Variants in CMIP observed in about 807,000 individuals in gnomAD.
The protein encoded by CMIP is c-Maf inducing protein, also known as C-Maf-inducing protein.
CMIP carries 13 observed loss-of-function variants against 97.3 expected under a neutral mutation model. The ratio of observed to expected loss-of-function variants is 0.13; its 90% CI spans 0.09 to 0.21. The LOEUF is 0.21. Among genes scored for constraint, CMIP ranks in the 10% least tolerant of loss-of-function variants. The probability of loss-of-function intolerance (pLI) is 1.00; values close to 1 mark genes in which losing one functional copy is unlikely to be tolerated. For synonymous variants in CMIP, 538 were observed against 436.3 expected (o/e 1.23, Z -2.91); for missense variants, 847 against 1,024.9 (o/e 0.83, Z 2.37).
chr16:81,515,684 G>A (rs927783797), intron 1 of CMIP, among the ~76,000 whole-genome samples: 2 of 152,208 alleles, frequency 1.3e-5, no homozygotes, highest in African/African-American at 2.4e-5. Flanking sequence ...AAGGACCGGA[G>A]GTTGGTAGCT....
chr16:81,516,626 A>G (rs2089919631), intron 1 of CMIP, among the ~76,000 whole-genome samples: 1 of 152,150 alleles, frequency 6.6e-6, no homozygotes. Context: ...GTGCGCGGGC[A>G]CTTGTGCGTC....
intron 3 of CMIP, among the ~76,000 whole-genome samples, chr16:81,648,994 G>A (rs1269188714): frequency 3.3e-5 from 5 of 151,878 alleles, no homozygotes; most frequent in African/African-American, 9.7e-5. Context: ...TCTCTTGCCC[G>A]TCTCACTTCC....
intron 2 of CMIP, among the ~76,000 whole-genome samples, chr16:81,613,929 G>A (rs574056281): frequency 6.6e-5 from 10 of 152,242 alleles, no homozygotes; most frequent in South Asian, 6.2e-4. Flanking sequence ...ACATTTCTCC[G>A]GGTTTCATGG....
At chr16:81,482,356 C>T (rs1367759450) in intron 1 of CMIP, among the ~76,000 whole-genome samples, 2 of 152,144 alleles carry the variant, frequency 1.3e-5, no homozygotes, top group African/African-American at 2.4e-5. Flanking sequence ...CCTATCATAG[C>T]AGGGGAGAGT....
intron 1 of CMIP, among the ~76,000 whole-genome samples, chr16:81,580,171 T>G (rs1240431219): frequency 6.6e-6 from 1 of 152,100 alleles, no homozygotes; most frequent in Admixed American, 6.5e-5. Flanking sequence ...CAGCTCCCAT[T>G]CCTAATCTCC....
chr16:81,532,208 C>T (rs1597514971), intron 1 of CMIP, among the ~76,000 whole-genome samples: 2 of 152,182 alleles, frequency 1.3e-5, no homozygotes, highest in African/African-American at 4.8e-5. Flanking sequence ...ATGCTTTCTG[C>T]GTATCTTCAC....
At chr16:81,469,451 G>A (rs1907395639) in intron 1 of CMIP, among the ~76,000 whole-genome samples, 1 of 152,226 alleles carries the variant, frequency 6.6e-6, no homozygotes, top group Admixed American at 6.5e-5. Flanking sequence ...TGCACATCTG[G>A]TGTTAGCCTT....
intron 1 of CMIP, among the ~76,000 whole-genome samples, chr16:81,529,042 A>G (rs75552060): frequency 6.6e-6 from 1 of 152,076 alleles, no homozygotes; most frequent in Non-Finnish European, 1.5e-5. Flanking sequence ...ATTGTAAATC[A>G]GGCCTTGGCT....
At chr16:81,546,222 C>T (rs10514518) in intron 1 of CMIP, among the ~76,000 whole-genome samples, 87,520 of 151,984 alleles carry the variant, frequency 0.58, 27,100 homozygotes, top group Non-Finnish European at 0.69. Context: ...CCCGATCCTT[C>T]TCTCTGAGTC....
chr16:81,469,061 G>C (rs1907373497), intron 1 of CMIP, among the ~76,000 whole-genome samples: 1 of 152,184 alleles, frequency 6.6e-6, no homozygotes, highest in South Asian at 2.1e-4. Flanking sequence ...ATCAACCTTA[G>C]GCCCAAGAAC....
intron 6 of CMIP, among the ~76,000 whole-genome samples, chr16:81,663,300 A>G (rs1159398006): frequency 4.5e-5 from 3 of 65,976 alleles, no homozygotes; most frequent in African/African-American, 2.5e-4. Context: ...ATTCAGCACT[A>G]AAAAAAAAAA....
At chr16:81,456,256 A>G (rs556029136) in intron 1 of CMIP, among the ~76,000 whole-genome samples, 2 of 152,284 alleles carry the variant, frequency 1.3e-5, no homozygotes, top group South Asian at 4.1e-4. Flanking sequence ...GGTAATCATG[A>G]CCATTTCCTC....
At chr16:81,569,480 A>G (rs1466826909) in intron 1 of CMIP, among the ~76,000 whole-genome samples, 1 of 152,074 alleles carries the variant, frequency 6.6e-6, no homozygotes. Flanking sequence ...GCCTCAGGGG[A>G]TCCTGGCTTC....
At chr16:81,477,625 A>G (rs961317539) in intron 1 of CMIP, among the ~76,000 whole-genome samples, 10 of 152,238 alleles carry the variant, frequency 6.6e-5, no homozygotes, top group Non-Finnish European at 1.0e-4. Flanking sequence ...GGGATCATAT[A>G]ATATTTAAAA....
chr16:81,661,288 G>A (rs994858787), intron 6 of CMIP, among the ~76,000 whole-genome samples: 2 of 152,234 alleles, frequency 1.3e-5, no homozygotes, highest in African/African-American at 2.4e-5. Flanking sequence ...GCTGGCCCAC[G>A]GTGGGGTGCG....
intron 5 of CMIP, among the ~76,000 whole-genome samples, chr16:81,660,290 T>C (rs1472215978): frequency 6.6e-6 from 1 of 152,012 alleles, no homozygotes; most frequent in Non-Finnish European, 1.5e-5. Flanking sequence ...TTTTTTTTTT[T>C]TAAGGCAGAG....
intron 1 of CMIP, among the ~76,000 whole-genome samples, chr16:81,500,172 C>T (rs907945512): frequency 1.3e-5 from 2 of 152,152 alleles, no homozygotes; most frequent in African/African-American, 4.8e-5. Context: ...GCCTGAGCAT[C>T]GGTGAACATG....
At chr16:81,493,362 G>C (rs1307905056) in intron 1 of CMIP, among the ~76,000 whole-genome samples, 2 of 150,274 alleles carry the variant, frequency 1.3e-5, no homozygotes, top group African/African-American at 4.8e-5. Context: ...GTTACCTGTC[G>C]TTACCTGTCG....
chr16:81,525,635 C>T (rs1397700750), intron 1 of CMIP, among the ~76,000 whole-genome samples: 2 of 152,168 alleles, frequency 1.3e-5, no homozygotes, highest in Admixed American at 1.3e-4. Context: ...GTGCCACTGG[C>T]CTAGCCAATC....
Sources: gnomAD v4.1 joint callset for allele counts (sites outside exome capture counted in the v4.1 genomes callset) on GRCh38, gnomAD v4.1.1 for gene constraint, MANE v1.5 for transcripts, NCBI Gene and HGNC (gene_info 2026-07-23, HGNC 2026-07-21) for gene names.